Variants in PCDHA7 observed in about 807,000 individuals in gnomAD.
PCDHA7 encodes protocadherin alpha-7.
A neutral mutation model predicts 57.2 loss-of-function variants in PCDHA7; 37 were observed. That is an observed-to-expected ratio of 0.65 (90% CI 0.50 to 0.85). The LOEUF is 0.85. Among genes scored for constraint, PCDHA7 ranks in the 40% least tolerant of loss-of-function variants. PCDHA7 has a pLI of 0.00. For missense variants in PCDHA7, 1,188 were observed against 1,241.8 expected, an observed-to-expected ratio of 0.96 and a Z score of 0.65; for synonymous variants, 553 against 558.8, an observed-to-expected ratio of 0.99 and a Z score of 0.15.
intron 1 of PCDHA7, chr5:140,870,699 C>T (rs1160091003): frequency 6.2e-7 from 1 of 1,613,004 alleles, no homozygotes. Flanking sequence ...TGCTACAGTT[C>T]CAGGTGAGCG....
At chr5:140,953,540 T>C (rs1217393469) in intron 1 of PCDHA7, among the ~76,000 whole-genome samples, 1 of 152,174 alleles carries the variant, frequency 6.6e-6, no homozygotes, top group Non-Finnish European at 1.5e-5. Flanking sequence ...CACTTCATGC[T>C]GATTCTTTTC....
In PCDHA7 at chr5:140,836,516, G is replaced by C; in HGVS notation, c.2133G>C (p.Leu711Phe). 6.2e-7 allele frequency: 1 copy of C among 1,613,880 alleles called. No homozygotes were observed. Among genetic ancestry groups the C allele is most frequent in the Non-Finnish European group, 8.5e-7 (1 of 1,179,874 alleles). The change falls in exon 1 of 4, where the codon TTG (leucine) becomes TTC (phenylalanine). Residue 711 changes from leucine to phenylalanine, a missense_variant. Leu to Phe is a conservative substitution (Grantham distance 22). Transcript: ENST00000525929. Reference sequence around the variant, plus strand: ...CCATCTGCGCGGTGTCCAGTCTGTTGGTGCTTACCCTGCTGCTGTACACGG... The same window carrying C: ...CCATCTGCGCGGTGTCCAGTCTGTTCGTGCTTACCCTGCTGCTGTACACGG... ...IIAICAVSSL[L>F]VLTLLLYTAL... is the part of the protein sequence containing the mutation.
intron 3 of PCDHA7, among the ~76,000 whole-genome samples, chr5:141,005,658 C>T (rs1014602554): frequency 6.9e-4 from 96 of 138,640 alleles, no homozygotes; most frequent in African/African-American, 2.4e-3. Flanking sequence ...GTCGAGATCG[C>T]GCCACTGCAC....
intron 3 of PCDHA7, among the ~76,000 whole-genome samples, chr5:141,007,904 T>C (rs1397513381): frequency 6.6e-6 from 1 of 152,278 alleles, no homozygotes; most frequent in African/African-American, 2.4e-5. Flanking sequence ...TTGTTCTTTG[T>C]TGAAGATGCT....
At chr5:140,973,599 T>C (rs952944512) in intron 1 of PCDHA7, among the ~76,000 whole-genome samples, 7 of 152,258 alleles carry the variant, frequency 4.6e-5, no homozygotes, top group African/African-American at 1.4e-4. Flanking sequence ...GATGGAATTA[T>C]GGCTGAGCTC....
chr5:140,954,442 G>C (rs2095039188), intron 1 of PCDHA7, among the ~76,000 whole-genome samples: 1 of 151,940 alleles, frequency 6.6e-6, no homozygotes, highest in South Asian at 2.1e-4. Flanking sequence ...GTTGTTTCTG[G>C]ACTTGTTAAT....
intron 1 of PCDHA7, among the ~76,000 whole-genome samples, chr5:140,972,097 T>C (rs1554233843): frequency 1.3e-5 from 2 of 152,196 alleles, no homozygotes; most frequent in South Asian, 2.1e-4. Context: ...ATTTCTGGCA[T>C]AGAAGCAGGT....
intron 1 of PCDHA7, among the ~76,000 whole-genome samples, chr5:140,904,941 G>A (rs782716792): frequency 7.2e-5 from 11 of 152,102 alleles, no homozygotes; most frequent in Admixed American, 3.9e-4. Context: ...CTGGATATTA[G>A]TCCTTTGTCT....
At chr5:140,862,769 C>A (rs782429555) in intron 1 of PCDHA7, 1 of 578,770 alleles carries the variant, frequency 1.7e-6, no homozygotes. Context: ...AAGAGGTACG[C>A]GTTGCAGCCA....
intron 1 of PCDHA7, among the ~76,000 whole-genome samples, chr5:140,840,646 T>C (rs2150308439): frequency 9.2e-5 from 14 of 151,994 alleles, no homozygotes; most frequent in African/African-American, 3.4e-4. Context: ...AGAGAAATAG[T>C]GTAAAGAATA....
intron 1 of PCDHA7, among the ~76,000 whole-genome samples, chr5:140,946,349 G>A (rs1412325014): frequency 6.6e-6 from 1 of 151,910 alleles, no homozygotes; most frequent in Non-Finnish European, 1.5e-5. Flanking sequence ...TGGAGAGGAT[G>A]TGGAGAAAAG....
At chr5:140,884,539 G>A (rs782320700) in intron 1 of PCDHA7, 78 of 1,613,968 alleles carry the variant, frequency 4.8e-5, no homozygotes, top group Non-Finnish European at 6.2e-5. Flanking sequence ...GGCGGCCGAG[G>A]GTGTGCTCTG....
chr5:140,909,254 G>T (rs915513119), intron 1 of PCDHA7, among the ~76,000 whole-genome samples: 1 of 152,216 alleles, frequency 6.6e-6, no homozygotes, highest in Non-Finnish European at 1.5e-5. Context: ...TGCTGGCCTT[G>T]CTGACTGAAG....
chr5:140,929,311 A>G lies in PCDHA7; in HGVS notation c.2356-49638A>G, dbSNP rs782099747. The stretch of plus-strand genomic sequence containing the variant: ...TCGGAATAGGAAAGGGGATCACGCT[A>G]ATGTCAATGCCATGGTAAGCAAATT... On this transcript the variant is annotated intron_variant, in intron 1 of 3. Coordinates refer to ENST00000525929, the MANE Select transcript of PCDHA7 (RefSeq NM_018910.3). The G allele has an allele frequency of 1.9e-6, 3 of 1,567,640 alleles. No individual in the cohort carries two copies. The South Asian group carries it at 3.5e-5, about 18-fold the overall frequency.
rs2150361079 is a variant in PCDHA7, at chr5:140,843,485, C to G, written c.2355+6747C>G. On this transcript the variant is annotated intron_variant, in intron 1 of 3. Transcript: ENST00000525929. The stretch of plus-strand genomic sequence containing the variant: ...CACGCTGCTGCTGTACACTGCGCTG[C>G]GGTGCTCAGCACTGCCCACTGAGGG... The G allele has an allele frequency of 5.6e-6, 9 of 1,595,872 alleles. No homozygotes were observed. The African/African-American group carries it at 1.1e-4, about 19-fold the overall frequency.
At chr5:140,970,775 C>T (rs2096433002) in intron 1 of PCDHA7, among the ~76,000 whole-genome samples, 1 of 152,160 alleles carries the variant, frequency 6.6e-6, no homozygotes, top group Non-Finnish European at 1.5e-5. Context: ...GCTGTACATA[C>T]ATATTGTATG....
intron 1 of PCDHA7, among the ~76,000 whole-genome samples, chr5:140,888,064 G>A (rs1353857736): frequency 6.6e-6 from 1 of 151,950 alleles, no homozygotes; most frequent in Non-Finnish European, 1.5e-5. Context: ...TAACTTTCTT[G>A]TCTGCTAATT....
At chr5:140,885,930 A>AT (rs1188534786) in intron 1 of PCDHA7, among the ~76,000 whole-genome samples, 1 of 152,104 alleles carries the variant, frequency 6.6e-6, no homozygotes, top group African/African-American at 2.4e-5. Flanking sequence ...CTGTTTATCT[A>AT]TTTTTTGACA....
rs1210767626 is a variant in PCDHA7 at position 141,010,197 on chromosome 5, C to G, written c.*260C>G. 83 of 1,552,082 alleles carry G rather than the reference C, an allele frequency of 5.3e-5. No homozygotes were observed. Among genetic ancestry groups the G allele is most frequent in the Non-Finnish European group, 6.6e-5 (76 of 1,147,118 alleles). On this transcript the variant is annotated 3_prime_UTR_variant, in exon 4 of 4. Coordinates refer to ENST00000525929, the MANE Select transcript of PCDHA7 (RefSeq NM_018910.3). ...AAAAGCAGACCCAAGTTTCCTTTCT[C>G]CTCCGCCGCAAAGGAGAGGCTTCCC...
Sources: gnomAD v4.1 joint callset for allele counts (sites outside exome capture counted in the v4.1 genomes callset) on GRCh38, gnomAD v4.1.1 for gene constraint, MANE v1.5 for transcripts, NCBI Gene and HGNC (gene_info 2026-07-23, HGNC 2026-07-21) for gene names.